ADCY4: variants seen among roughly 807,000 people sequenced by gnomAD.
ADCY4 encodes adenylate cyclase 4.
ADCY4 carries 111 observed loss-of-function variants against 125.5 expected under a neutral mutation model. The ratio of observed to expected loss-of-function variants is 0.88; its 90% confidence interval spans 0.76 to 1.04. The LOEUF (loss-of-function observed/expected upper bound fraction) is 1.04, where lower values mean the gene tolerates loss of function less well. Ranked by LOEUF, ADCY4 falls within the 50% of genes least tolerant of loss-of-function variation. The pLI, the probability that ADCY4 is intolerant of heterozygous loss-of-function variation, is 0.00. For synonymous variants in ADCY4, 576 were observed against 586.9 expected, an observed-to-expected ratio of 0.98 and a Z score of 0.27; for missense variants, 1,256 against 1,382.9, an observed-to-expected ratio of 0.91 and a Z score of 1.46.
intron 4 of ADCY4, 148 bp from the exon 5 acceptor site, chr14:24,331,504 C>G (rs2042041058): frequency 7.2e-6 from 8 of 1,114,526 alleles, no homozygotes; most frequent in Non-Finnish European, 1.0e-5. Context: ...AGCAGGGCCC[C>G]AGCACTCCAT....
At chr14:24,328,188 T>C (rs980044834) in intron 10 of ADCY4, among the ~76,000 whole-genome samples, 8 of 130,212 alleles carry the variant, frequency 6.1e-5, no homozygotes, top group Non-Finnish European at 1.1e-4. Flanking sequence ...GCAAAAGGTG[T>C]CAAGAAACAA....
At chr14:24,332,105 C>T in intron 3 of ADCY4, 168 bp from the exon 4 acceptor site, 2 of 788,264 alleles carry the variant, frequency 2.5e-6, no homozygotes, top group Non-Finnish European at 3.6e-6. Context: ...CGTTTCCCTT[C>T]CCAGATGCTC....
In ADCY4 at chr14:24,334,847, A is replaced by AG; in HGVS notation, c.-196dup. 1.7e-6 allele frequency: 1 copy of AG among 574,848 alleles called. No individual in the cohort carries two copies. Among genetic ancestry groups the AG allele is most frequent in the Non-Finnish European group, 3.1e-6 (1 of 326,548 alleles). The allele number at this position is 574,848 out of a possible 1,614,324, so 35.6% of individuals were successfully genotyped here. ...CCCAGCCCGCTCCCAGCTGGCGATGAGGGGATCCCTCAGTCCTTTCCTCCT... is the reference window on the plus strand; with the variant it reads ...CCCAGCCCGCTCCCAGCTGGCGATGAGGGGGATCCCTCAGTCCTTTCCTCCT... On this transcript the variant is annotated 5_prime_UTR_variant, in exon 1 of 25. Coordinates refer to ENST00000418030, the MANE Select transcript of ADCY4 (RefSeq NM_001198568.2).
At chr14:24,321,567 C>G (rs1010514710) in intron 20 of ADCY4, 4 of 154,214 alleles carry the variant, frequency 2.6e-5, no homozygotes, top group African/African-American at 9.6e-5. Context: ...TAATTTTGCA[C>G]CAGCCTAATA....
At position 24,331,025 on chromosome 14, in the gene ADCY4, A is replaced by G. The variant is rs1438369867; in HGVS notation, c.923T>C (p.Ile308Thr). 1 of 1,603,644 alleles carries G rather than the reference A, an allele frequency of 6.2e-7. No homozygotes were observed. The highest frequency in any genetic ancestry group is 8.5e-7 in the Non-Finnish European group (1 of 1,172,404). ...AGGGAAGTCTTCTCTGACCTTGGCA[A>G]TCTGGTCGAACTTGCCAAAGAGCTC... ...LNELFGKFDQ[I>T]AKEHECMRIK... Residue 308 changes from isoleucine to threonine, a missense_variant, in exon 6 of 25, where the codon ATT (isoleucine) becomes ACT (threonine). Transcript: ENST00000418030.
intron 9 of ADCY4, 40 bp downstream of exon 9, chr14:24,329,361 T>C: frequency 6.5e-7 from 1 of 1,546,972 alleles, no homozygotes; most frequent in Non-Finnish European, 8.7e-7. Flanking sequence ...GTGGGGTGGT[T>C]TGTGTAGGCC....
rs913285515 is a variant in ADCY4, at chr14:24,321,895, C to T, written c.2586+171G>A. Reference sequence around the variant, plus strand: ...TAAGAATTTGAAATGCAGTTTTGTGCTCACCAAAGAAAGAATCTAAGATGT... The same window carrying T: ...TAAGAATTTGAAATGCAGTTTTGTGTTCACCAAAGAAAGAATCTAAGATGT... On this transcript the variant is annotated intron_variant, in intron 20 of 24. Transcript: ENST00000418030. 2.9e-5 allele frequency: 39 copies of T among 1,359,612 alleles called. 1 individual carries two copies. The highest frequency in any genetic ancestry group is 4.9e-4 in the Middle Eastern group (2 of 4,046). 84.2% of individuals were successfully genotyped at this position (1,359,612 alleles called of 1,614,324 possible). A position where few individuals can be genotyped will look rare whatever the true frequency, so the allele number is the denominator to read the frequency against.
intron 23 of ADCY4, 103 bp downstream of exon 23, chr14:24,318,995 G>C: frequency 6.8e-7 from 1 of 1,474,884 alleles, no homozygotes; most frequent in Non-Finnish European, 9.4e-7. Context: ...GTCAGGAAAG[G>C]GGCTTCAGGA....
Position 24,334,712 on chromosome 14 carries a change from G to A in ADCY4, c.-60C>T, listed in dbSNP as rs2042106756. 2 of 1,338,904 alleles carry A rather than the reference G, an allele frequency of 1.5e-6. No individual in the cohort carries two copies. The highest frequency in any genetic ancestry group is 2.8e-5 in the Admixed American group (1 of 35,140). 82.9% of individuals were successfully genotyped at this position (1,338,904 alleles called of 1,614,324 possible). ...GGCCGGGCGCCGGGTTACCTCCTTC[G>A]GCCCGGCGGGCCCCACCTGAGCTTT... On this transcript the variant is annotated 5_prime_UTR_variant, in exon 1 of 25. Transcript: ENST00000418030.
chr14:24,328,917 G>T, intron 10 of ADCY4, 144 bp downstream of exon 10: 2 of 1,072,166 alleles, frequency 1.9e-6, no homozygotes, highest in Non-Finnish European at 2.7e-6. Flanking sequence ...TGACTGGGGT[G>T]ACAAGACAGT....
chr14:24,332,781 C>A lies in ADCY4; in HGVS notation c.357+10G>T. Reference sequence around the variant, plus strand: ...GCCGTCCCCGCTGCCCCGCCTGCCGCCCCTCTCACCTGGTCCCAGGCGCTC... The same window carrying A: ...GCCGTCCCCGCTGCCCCGCCTGCCGACCCTCTCACCTGGTCCCAGGCGCTC... On this transcript the variant is annotated intron_variant, in intron 2 of 24. Transcript: ENST00000418030. 6.5e-7 allele frequency: 1 copy of A among 1,540,550 alleles called. No individual in the cohort carries two copies. The highest frequency in any genetic ancestry group is 8.8e-7 in the Non-Finnish European group (1 of 1,138,658).
chr14:24,321,887 G>A (rs2041857118), intron 20 of ADCY4, 179 bp downstream of exon 20: 4 of 1,353,042 alleles, frequency 3.0e-6, no homozygotes, highest in Non-Finnish European at 3.8e-6. Flanking sequence ...TTGAAATGCA[G>A]TTTTGTGCTC....
At position 24,323,428 on chromosome 14, in the gene ADCY4, G is replaced by C; in HGVS notation, c.2073C>G (p.Cys691Trp). ...SLFFFPTSSD[C>W]PFQAPNVSSM... is the part of the protein sequence containing the mutation. Reference sequence around the variant, plus strand: ...AGGACACATTGGGAGCTTGGAAAGGGCAGTCTGATGATGTTGGGAAGAAGA... The same window carrying C: ...AGGACACATTGGGAGCTTGGAAAGGCCAGTCTGATGATGTTGGGAAGAAGA... The change falls in exon 17 of 25, where the codon TGC (cysteine) becomes TGG (tryptophan). Residue 691 changes from cysteine to tryptophan, a missense_variant. By Grantham distance (215) the Cys-to-Trp change is radical. Coordinates refer to ENST00000418030, the MANE Select transcript of ADCY4 (RefSeq NM_001198568.2). 1 of 1,554,844 alleles carries C rather than the reference G, an allele frequency of 6.4e-7. No homozygotes were observed. Among genetic ancestry groups the C allele is most frequent in the Non-Finnish European group, 8.7e-7 (1 of 1,148,320 alleles).
In ADCY4 at chr14:24,324,389, G is replaced by A. The variant is rs1173614030; in HGVS notation, c.1826C>T (p.Pro609Leu). ...GCTATACGTGATGGCCAGAGCTGGG[G>A]GCCTGAAGGGAGACAAAAGCGAGGC... is the stretch of plus-strand genomic sequence containing the variant. ...FIIQMLVTNR[P>L]PALAITYSIT... is the part of the protein sequence containing the mutation. The change falls in exon 15 of 25, where the codon CCC becomes CTC. Residue 609 changes from proline to leucine, a missense_variant and splice_region_variant. Physicochemically the swap from Pro to Leu is moderately conservative, Grantham distance 98 (BLOSUM62 -3). Coordinates refer to ENST00000418030, the MANE Select transcript of ADCY4 (RefSeq NM_001198568.2). 1.2e-6 allele frequency: 2 copies of A among 1,613,484 alleles called. No individual in the cohort carries two copies. The highest frequency in any genetic ancestry group is 1.7e-6 in the Non-Finnish European group (2 of 1,179,490).
Position 24,318,443 on chromosome 14 carries a change from A to G in ADCY4, c.3207T>C (p.Thr1069=), listed in dbSNP as rs772961297. The G allele has an allele frequency of 1.2e-6, 2 of 1,614,054 alleles. No homozygotes were observed. The highest frequency in any genetic ancestry group is 2.7e-5 in the African/African-American group (2 of 74,936). The part of the protein sequence containing the change: ...TYFLNTDLTR[T]GPPSATLG ...AGCCTAGGGTAGCTGAAGGAGGTCC[A>G]GTTCGTGTCAAGTCTGTGTTCAGGA... is the stretch of plus-strand genomic sequence containing the variant. The change falls in exon 25 of 25, where the codon ACT becomes ACC. Residue 1069 remains threonine (T), a synonymous_variant. Coordinates refer to ENST00000418030, the MANE Select transcript of ADCY4 (RefSeq NM_001198568.2).
intron 14 of ADCY4, among the ~76,000 whole-genome samples, 163 bp downstream of exon 14, chr14:24,325,214 T>TAA (rs1392532926): frequency 6.7e-6 from 1 of 150,154 alleles, no homozygotes; most frequent in Non-Finnish European, 1.5e-5. Flanking sequence ...AAGGTTAAGA[T>TAA]AAGGGCCGTG....
In ADCY4 at chr14:24,332,837, C is replaced by T. The variant is rs763656948; in HGVS notation, c.311G>A (p.Gly104Asp). The T allele has an allele frequency of 6.3e-7, 1 of 1,588,962 alleles. No homozygotes were observed. The highest frequency in any genetic ancestry group is 8.6e-7 in the Non-Finnish European group (1 of 1,165,868). ...GCCCCCGGTGAACAGGAAGGCGTGG[C>T]CTAGCGCTAGCAGCGCGACCCATAC... ...GLVWVALLALGHAFLFTGGVV... is the reference protein window; with the variant it reads ...GLVWVALLALDHAFLFTGGVV... Residue 104 changes from glycine to aspartate, a missense_variant, in exon 2 of 25, where the codon GGC becomes GAC. By Grantham distance (94) the Gly-to-Asp change is moderately conservative (BLOSUM62 -1). Coordinates refer to ENST00000418030, the MANE Select transcript of ADCY4 (RefSeq NM_001198568.2).
intron 3 of ADCY4, chr14:24,332,281 A>G: frequency 2.2e-6 from 1 of 457,618 alleles, no homozygotes; most frequent in East Asian, 3.4e-5. Context: ...TTCATTAACC[A>G]CATCTGTTGT....
At chr14:24,332,723 C>T (rs1316718755) in intron 2 of ADCY4, 40 bp from the exon 3 acceptor site, 2 of 1,559,012 alleles carry the variant, frequency 1.3e-6, no homozygotes, top group Non-Finnish European at 1.7e-6. Flanking sequence ...CCAAGTGGGG[C>T]TATTCAAGGC....
Sources: gnomAD v4.1 joint callset for allele counts (sites outside exome capture counted in the v4.1 genomes callset) on GRCh38, gnomAD v4.1.1 for gene constraint, MANE v1.5 for transcripts, NCBI Gene and HGNC (gene_info 2026-07-23, HGNC 2026-07-21) for gene names.